The following SPON1 variants were observed in gnomAD, a reference collection of about 807,000 sequenced individuals.
SPON1 encodes the protein spondin-1.
In SPON1, 52 loss-of-function variants were observed where a neutral mutation model predicts 111.7. That is an observed-to-expected ratio of 0.47 (90% confidence interval 0.37 to 0.59). The LOEUF (loss-of-function observed/expected upper bound fraction) is 0.59. SPON1 is among the 20% of genes least tolerant of loss of function. The pLI is 0.00. For missense variants in SPON1, 957 were observed against 1,068.5 expected, an observed-to-expected ratio of 0.90 and a Z score of 1.46; for synonymous variants, 410 against 395.8, an observed-to-expected ratio of 1.04 and a Z score of -0.43.
intron 5 of SPON1, among the ~76,000 whole-genome samples, chr11:14,128,712 G>A (rs1289089022): frequency 6.6e-6 from 1 of 152,210 alleles, no homozygotes; most frequent in Non-Finnish European, 1.5e-5. Flanking sequence ...CCTCTGCATG[G>A]CCCTACTAGA....
chr11:14,249,697 A>G (rs1195668965), intron 7 of SPON1, among the ~76,000 whole-genome samples: 2 of 152,204 alleles, frequency 1.3e-5, no homozygotes, highest in Non-Finnish European at 2.9e-5. Flanking sequence ...CAGTATCAAA[A>G]TCCTTTCTTA....
intron 3 of SPON1, 90 bp downstream of exon 3, chr11:14,041,744 C>T: frequency 1.4e-6 from 2 of 1,447,876 alleles, no homozygotes; most frequent in African/African-American, 1.4e-5. Context: ...TACTGAGCAT[C>T]AGAAAGTTGC....
intron 2 of SPON1, among the ~76,000 whole-genome samples, chr11:14,018,723 GA>G (rs1187300772): frequency 6.6e-6 from 1 of 152,162 alleles, no homozygotes; most frequent in African/African-American, 2.4e-5. Flanking sequence ...CATTGTAGAA[GA>G]ATTAATTAGG....
chr11:14,256,975 ACT>A (rs1232701055), intron 10 of SPON1, among the ~76,000 whole-genome samples: 1 of 151,928 alleles, frequency 6.6e-6, no homozygotes, highest in Non-Finnish European at 1.5e-5. Context: ...GATTCAGACC[ACT>A]CTCTGCTTCG....
At chr11:14,205,931 C>T (rs549467499) in intron 6 of SPON1, among the ~76,000 whole-genome samples, 2 of 152,128 alleles carry the variant, frequency 1.3e-5, no homozygotes, top group East Asian at 3.9e-4. Flanking sequence ...TTCCATAGTT[C>T]CCAACACTTG....
At chr11:13,971,045 C>T (rs1056088648) in intron 1 of SPON1, among the ~76,000 whole-genome samples, 2 of 152,104 alleles carry the variant, frequency 1.3e-5, no homozygotes, top group African/African-American at 4.8e-5. Context: ...TGTGAGCTCT[C>T]TAAGAGAGCT....
intron 5 of SPON1, among the ~76,000 whole-genome samples, chr11:14,108,751 G>T (rs1246513266): frequency 1.3e-5 from 2 of 151,710 alleles, no homozygotes; most frequent in East Asian, 1.9e-4. Flanking sequence ...AGTATTTGAT[G>T]ACCTTTTTTT....
chr11:14,066,647 GA>G (rs1848834696), intron 3 of SPON1, among the ~76,000 whole-genome samples: 1 of 152,014 alleles, frequency 6.6e-6, no homozygotes, highest in African/African-American at 2.4e-5. Context: ...CCTCCAGAGA[GA>G]AAAAAAGTAT....
At chr11:14,077,455 C>A (rs557289254) in intron 4 of SPON1, among the ~76,000 whole-genome samples, 28 of 150,892 alleles carry the variant, frequency 1.9e-4, no homozygotes, top group African/African-American at 6.3e-4. Context: ...TTTTTTGAGA[C>A]AGAGTTTCAC....
At chr11:14,012,236 T>C (rs1022305760) in intron 2 of SPON1, among the ~76,000 whole-genome samples, 7 of 152,174 alleles carry the variant, frequency 4.6e-5, no homozygotes, top group Admixed American at 4.6e-4. Context: ...GGCCTCCTTG[T>C]GTCAAAAGTG....
chr11:14,132,751 T>G (rs1419427331), intron 5 of SPON1, among the ~76,000 whole-genome samples: 2 of 152,226 alleles, frequency 1.3e-5, no homozygotes, highest in Non-Finnish European at 2.9e-5. Flanking sequence ...TTATCATACA[T>G]ATTTCTTATC....
In SPON1 at chr11:14,259,733, G is replaced by A. The variant is rs1554941723; in HGVS notation, c.1831+32G>A. ...GAGAGCGGGGGTGGACTTGGAGGAG[G>A]CCACTGGGGACAGGCGTGGAGGGCC... is the stretch of plus-strand genomic sequence containing the variant. On this transcript the variant is annotated intron_variant, in intron 13 of 15. Transcript: ENST00000576479. The surrounding 1 kb of genome is among the most constrained non-coding windows in gnomAD (Gnocchi z 5.0). 6 of 1,555,108 alleles carry A rather than the reference G, an allele frequency of 3.9e-6. No individual in the cohort carries two copies. Among genetic ancestry groups the A allele is most frequent in the South Asian group, 2.4e-5 (2 of 83,022 alleles).
At chr11:14,128,946 C>T (rs1196619574) in intron 5 of SPON1, among the ~76,000 whole-genome samples, 3 of 152,244 alleles carry the variant, frequency 2.0e-5, no homozygotes, top group African/African-American at 7.2e-5. Flanking sequence ...ATGGCTGGAG[C>T]TTGAGCAGCT....
chr11:14,069,527 A>G (rs139752793), intron 3 of SPON1, among the ~76,000 whole-genome samples: 1 of 151,910 alleles, frequency 6.6e-6, no homozygotes, highest in East Asian at 1.9e-4. Context: ...TCTGCCTCCC[A>G]TGGCTCCTCC....
At chr11:14,181,868 A>G (rs1848238286) in intron 6 of SPON1, among the ~76,000 whole-genome samples, 1 of 152,128 alleles carries the variant, frequency 6.6e-6, no homozygotes, top group Non-Finnish European at 1.5e-5. Context: ...TTTTGTTTTT[A>G]GTAATGATAA....
chr11:14,135,669 T>C lies in SPON1; in HGVS notation c.825+101T>C, dbSNP rs1266194539. 1 of 1,199,260 alleles carries C rather than the reference T, an allele frequency of 8.3e-7. No individual in the cohort carries two copies. 74.3% of individuals were successfully genotyped at this position (1,199,260 alleles called of 1,614,324 possible). On this transcript the variant is annotated intron_variant, in intron 6 of 15. Transcript: ENST00000576479. The surrounding 1 kb of genome is among the most constrained non-coding windows in gnomAD (Gnocchi z 4.4). ...GCTTGAAATTTGCAGTACAATGTGG[T>C]GGAAGAAAATCTATTTGCTGAGTTT...
chr11:14,064,890 T>C (rs1554920224), intron 3 of SPON1, among the ~76,000 whole-genome samples: 1 of 152,114 alleles, frequency 6.6e-6, no homozygotes. Flanking sequence ...GTCAGGTGGG[T>C]ACTAGCAGGC....
chr11:14,069,017 A>G (rs1554920613), intron 3 of SPON1, among the ~76,000 whole-genome samples: 1 of 152,254 alleles, frequency 6.6e-6, no homozygotes, highest in East Asian at 1.9e-4. Flanking sequence ...AACCAGGCAG[A>G]GTACAATCAC....
chr11:14,009,084 G>A (rs1372859338), intron 2 of SPON1, among the ~76,000 whole-genome samples: 1 of 152,176 alleles, frequency 6.6e-6, no homozygotes, highest in African/African-American at 2.4e-5. Flanking sequence ...TGTGTGATTG[G>A]TATGTGAGCT....
Sources: gnomAD v4.1 joint callset for allele counts (sites outside exome capture counted in the v4.1 genomes callset) on GRCh38, gnomAD v4.1.1 for gene constraint, Gnocchi (gnomAD v3.1) non-coding constraint, MANE v1.5 for transcripts, NCBI Gene and HGNC (gene_info 2026-07-23, HGNC 2026-07-21) for gene names.